The following ADCY2 variants were observed in gnomAD, a reference collection of about 807,000 sequenced individuals.
ADCY2 encodes the protein adenylate cyclase type 2.
A neutral mutation model predicts 125.2 loss-of-function variants in ADCY2; 31 were observed. The ratio of observed to expected loss-of-function variants is 0.25; its 90% CI spans 0.19 to 0.33. The LOEUF is 0.33. ADCY2 is among the 10% of genes least tolerant of loss of function. The probability of loss-of-function intolerance (pLI) is 1.00; values close to 1 mark genes in which losing one functional copy is unlikely to be tolerated. For missense variants in ADCY2, 904 were observed against 1,418.2 expected (o/e 0.64, Z 5.82); for synonymous variants, 512 against 548.4 (o/e 0.93, Z 0.93).
chr5:7,477,546 C>G (rs1472193036), intron 2 of ADCY2, among the ~76,000 whole-genome samples: 1 of 151,876 alleles, frequency 6.6e-6, no homozygotes, highest in African/African-American at 2.4e-5. Flanking sequence ...GAGAGGAAAT[C>G]TCTAAGCTTG....
chr5:7,478,139 A>G (rs1742588840), intron 2 of ADCY2, among the ~76,000 whole-genome samples: 1 of 152,166 alleles, frequency 6.6e-6, no homozygotes, highest in Non-Finnish European at 1.5e-5. Flanking sequence ...CTTATTTATT[A>G]ATATCTCCTT....
intron 2 of ADCY2, among the ~76,000 whole-genome samples, chr5:7,426,475 G>T (rs1476176114): frequency 6.6e-6 from 1 of 152,188 alleles, no homozygotes; most frequent in Non-Finnish European, 1.5e-5. Flanking sequence ...GAGATGGAAA[G>T]ACCAGGCAGC....
chr5:7,502,804 A>G (rs1366405126), intron 2 of ADCY2, among the ~76,000 whole-genome samples: 1 of 152,158 alleles, frequency 6.6e-6, no homozygotes, highest in African/African-American at 2.4e-5. Context: ...CACTAGTAAA[A>G]TCACCCAGTG....
chr5:7,720,756 A>G (rs1258711141), intron 12 of ADCY2, among the ~76,000 whole-genome samples: 1 of 152,142 alleles, frequency 6.6e-6, no homozygotes, highest in Non-Finnish European at 1.5e-5. Flanking sequence ...ATAGTATTCC[A>G]TGGTGTATAT....
chr5:7,658,429 G>GTGTGTA (rs995831493), intron 4 of ADCY2, among the ~76,000 whole-genome samples: 4 of 127,068 alleles, frequency 3.1e-5, no homozygotes, highest in African/African-American at 8.1e-5. Context: ...GTGTGTGTGT[G>GTGTGTA]TGTATATATA....
chr5:7,822,727 TG>T (rs2126542927), intron 24 of ADCY2, among the ~76,000 whole-genome samples: 1 of 28,028 alleles, frequency 3.6e-5, no homozygotes. Context: ...TGTACATGCA[TG>T]TGTGTGTGTG....
At chr5:7,555,177 C>G (rs904667622) in intron 3 of ADCY2, among the ~76,000 whole-genome samples, 3 of 152,156 alleles carry the variant, frequency 2.0e-5, no homozygotes, top group Admixed American at 6.5e-5. Context: ...GTTGAATCTG[C>G]CTGTGGCCTA....
intron 4 of ADCY2, among the ~76,000 whole-genome samples, chr5:7,683,702 A>T (rs1286479956): frequency 1.3e-5 from 2 of 152,202 alleles, no homozygotes; most frequent in Admixed American, 6.5e-5. Context: ...TCAGAACGAT[A>T]GTCCAGTCCA....
intron 3 of ADCY2, among the ~76,000 whole-genome samples, chr5:7,618,343 G>A (rs1737834932): frequency 6.6e-6 from 1 of 152,124 alleles, no homozygotes; most frequent in Non-Finnish European, 1.5e-5. Flanking sequence ...ACCTTCTATT[G>A]TGTAGATTAT....
chr5:7,804,022 C>A (rs1395024376), intron 21 of ADCY2, among the ~76,000 whole-genome samples: 3 of 83,942 alleles, frequency 3.6e-5, no homozygotes, highest in African/African-American at 1.4e-4. Flanking sequence ...TTCTCTTAGG[C>A]CTCCCATGGA....
intron 18 of ADCY2, among the ~76,000 whole-genome samples, chr5:7,777,380 A>G (rs926473281): frequency 6.6e-6 from 1 of 152,234 alleles, no homozygotes; most frequent in Non-Finnish European, 1.5e-5. Context: ...GGCATCTAGT[A>G]CTCAAAAAAC....
intron 2 of ADCY2, among the ~76,000 whole-genome samples, chr5:7,430,092 T>TA (rs1740533817): frequency 6.6e-6 from 1 of 152,164 alleles, no homozygotes; most frequent in African/African-American, 2.4e-5. Flanking sequence ...CTCTTTCCAT[T>TA]AAATTTCACA....
rs766683034 is a variant in ADCY2 at position 7,826,595 on chromosome 5, T to G, written c.3124-124T>G. 17 of 1,263,718 alleles carry G rather than the reference T, an allele frequency of 1.3e-5. No homozygotes were observed. The East Asian group carries it at 3.9e-4, about 29-fold the overall frequency. The allele number at this position is 1,263,718 out of a possible 1,614,324, so 78.3% of individuals were successfully genotyped here. ...GGATTACTCTCACTTTTCTACTAAC[T>G]TCTCAGGAGTGGAATTCCTGGGTCA... is the stretch of plus-strand genomic sequence containing the variant. On this transcript the variant is annotated intron_variant, in intron 24 of 24. Transcript: ENST00000338316.
chr5:7,812,235 CTG>C (rs1744967894), intron 22 of ADCY2, among the ~76,000 whole-genome samples: 1 of 152,170 alleles, frequency 6.6e-6, no homozygotes, highest in Non-Finnish European at 1.5e-5. Flanking sequence ...AATCCTAAGT[CTG>C]TGTATTTTTG....
intron 2 of ADCY2, among the ~76,000 whole-genome samples, chr5:7,459,126 C>T (rs1212134049): frequency 6.6e-6 from 1 of 152,136 alleles, no homozygotes; most frequent in Non-Finnish European, 1.5e-5. Context: ...TTCTGTTTTC[C>T]CCATGGACCG....
At chr5:7,690,451 T>C in intron 4 of ADCY2, 1 of 326,200 alleles carries the variant, frequency 3.1e-6, no homozygotes. Context: ...CATCCCTTTA[T>C]TCTTCATACT....
chr5:7,599,746 G>C (rs1737134764), intron 3 of ADCY2, among the ~76,000 whole-genome samples: 1 of 152,180 alleles, frequency 6.6e-6, no homozygotes, highest in African/African-American at 2.4e-5. Flanking sequence ...AGGAGCAGAA[G>C]AGTCGCAAGG....
chr5:7,638,799 G>A (rs558275852), intron 4 of ADCY2, among the ~76,000 whole-genome samples: 36 of 152,244 alleles, frequency 2.4e-4, no homozygotes, highest in South Asian at 2.1e-3. Context: ...AATCTTTGGC[G>A]GTGATACGGT....
chr5:7,446,271 ATATT>A (rs1395571014), intron 2 of ADCY2, among the ~76,000 whole-genome samples: 1 of 152,214 alleles, frequency 6.6e-6, no homozygotes, highest in Non-Finnish European at 1.5e-5. Flanking sequence ...ATCTTCAACT[ATATT>A]TAAGAAACTT....
Sources: gnomAD v4.1 joint callset for allele counts (sites outside exome capture counted in the v4.1 genomes callset) on GRCh38, gnomAD v4.1.1 for gene constraint, MANE v1.5 for transcripts, NCBI Gene and HGNC (gene_info 2026-07-23, HGNC 2026-07-21) for gene names.